Variants in MDH1B observed in about 807,000 individuals in gnomAD.
The protein encoded by MDH1B is putative malate dehydrogenase 1B.
In MDH1B, 60 loss-of-function variants were observed where a neutral mutation model predicts 61.4. The ratio of observed to expected loss-of-function variants is 0.98; its 90% CI spans 0.79 to 1.21. MDH1B has a LOEUF of 1.21. Among genes scored for constraint, MDH1B ranks in the 50% most tolerant of loss-of-function variants. The probability of loss-of-function intolerance (pLI) is 0.00; values close to 1 mark genes in which losing one functional copy is unlikely to be tolerated. For synonymous variants in MDH1B, 236 were observed against 218.7 expected (o/e 1.08, Z -0.70); for missense variants, 587 against 632.1 (o/e 0.93, Z 0.76).
chr2:206,759,191 G>A (rs1263817893), intron 2 of MDH1B, among the ~76,000 whole-genome samples: 2 of 151,988 alleles, frequency 1.3e-5, no homozygotes, highest in Admixed American at 6.6e-5. Context: ...GTGTCCACGT[G>A]TTCTTATCAT....
chr2:206,755,495 G>C lies in MDH1B; in HGVS notation c.424C>G (p.Pro142Ala). 1 of 1,611,214 alleles carries C rather than the reference G, an allele frequency of 6.2e-7. No individual in the cohort carries two copies. The highest frequency in any genetic ancestry group is 1.3e-5 in the African/African-American group (1 of 74,988). The change falls in exon 5 of 12, where the codon CCT becomes GCT. Residue 142 changes from proline (P) to alanine (A), a missense_variant. Pro to Ala is a conservative substitution (Grantham distance 27). Coordinates refer to ENST00000374412, the MANE Select transcript of MDH1B (RefSeq NM_001039845.3). ...ATGGGAATTAGGTTGTAGCAGGCAG[G>C]AGCAGAGGCACTGATAAAAATGCAA... ...LQVWITSASA[P>A]ACYNLIPILT...
chr2:206,750,115 G>A (rs770334346), intron 6 of MDH1B, among the ~76,000 whole-genome samples: 36 of 151,906 alleles, frequency 2.4e-4, no homozygotes, highest in Non-Finnish European at 4.6e-4. Context: ...TATGGTCTGA[G>A]GAAGAAAAGG....
At chr2:206,752,006 C>G (rs1688477920) in intron 5 of MDH1B, among the ~76,000 whole-genome samples, 1 of 152,172 alleles carries the variant, frequency 6.6e-6, no homozygotes, top group African/African-American at 2.4e-5. Flanking sequence ...CTTGTCTTAA[C>G]TAGAAGGACT....
intron 6 of MDH1B, among the ~76,000 whole-genome samples, chr2:206,749,460 C>G (rs1293248535): frequency 2.0e-5 from 3 of 152,096 alleles, no homozygotes; most frequent in African/African-American, 7.2e-5. Flanking sequence ...ATGGCAAGAA[C>G]CATTATTTTC....
At chr2:206,748,869 T>A in intron 7 of MDH1B, 151 bp downstream of exon 7, 1 of 612,626 alleles carries the variant, frequency 1.6e-6, no homozygotes, top group Non-Finnish European at 2.8e-6. Context: ...TCTGAATGAG[T>A]AATTGAATGA....
At chr2:206,756,404 A>G (rs558690484) in intron 4 of MDH1B, among the ~76,000 whole-genome samples, 54 of 152,262 alleles carry the variant, frequency 3.5e-4, no homozygotes, top group African/African-American at 1.3e-3. Context: ...AGCAAGAGAG[A>G]CAGAGAGACA....
chr2:206,763,570 T>C (rs1339420668), intron 1 of MDH1B, among the ~76,000 whole-genome samples: 1 of 152,170 alleles, frequency 6.6e-6, no homozygotes, highest in African/African-American at 2.4e-5. Flanking sequence ...CCTCCCCTTC[T>C]AAAAACCTTT....
intron 7 of MDH1B, among the ~76,000 whole-genome samples, chr2:206,747,060 T>C (rs892906701): frequency 2.0e-5 from 3 of 152,116 alleles, no homozygotes; most frequent in Non-Finnish European, 4.4e-5. Context: ...TATTACTAAC[T>C]GAGCACCATT....
chr2:206,738,858 A>G (rs1687644073), intron 11 of MDH1B, among the ~76,000 whole-genome samples: 1 of 152,148 alleles, frequency 6.6e-6, no homozygotes, highest in Non-Finnish European at 1.5e-5. Context: ...CCCCCTGATT[A>G]GCCCCATTCC....
At chr2:206,763,342 G>A (rs1253699290) in intron 1 of MDH1B, among the ~76,000 whole-genome samples, 1 of 150,398 alleles carries the variant, frequency 6.6e-6, no homozygotes, top group Non-Finnish European at 1.5e-5. Context: ...CCCTCCTCCA[G>A]TCAATTAGAC....
At position 206,755,323 on chromosome 2, in the gene MDH1B, G is replaced by A. The variant is rs375320635; in HGVS notation, c.596C>T (p.Thr199Met). Residue 199 changes from threonine to methionine, a missense_variant, in exon 5 of 12, where the codon ACG becomes ATG. Transcript: ENST00000374412. Reference sequence around the variant, plus strand: ...CTGGCGGAAGGCCTCCTCCACCTTCGTGCAGATGGAGACACTGCGCAGGAC... The same window carrying A: ...CTGGCGGAAGGCCTCCTCCACCTTCATGCAGATGGAGACACTGCGCAGGAC... ...SPVLRSVSICTKVEEAFRQAH... is the reference protein window; with the variant it reads ...SPVLRSVSICMKVEEAFRQAH... 3.1e-6 allele frequency: 5 copies of A among 1,614,146 alleles called. No homozygotes were observed. Among genetic ancestry groups the A allele is most frequent in the African/African-American group, 2.7e-5 (2 of 75,042 alleles).
intron 8 of MDH1B, 141 bp from the exon 9 acceptor site, chr2:206,745,814 A>G (rs1473635903): frequency 1.7e-6 from 1 of 598,924 alleles, no homozygotes; most frequent in Non-Finnish European, 2.9e-6. Flanking sequence ...GCTCACCACA[A>G]CCTCTCCCTT....
chr2:206,740,874 T>G (rs1002574182), intron 10 of MDH1B, among the ~76,000 whole-genome samples, 180 bp downstream of exon 10: 2 of 152,234 alleles, frequency 1.3e-5, no homozygotes, highest in African/African-American at 4.8e-5. Context: ...GTTTTAGTGC[T>G]TTTTAAAAAA....
rs905825678 is a variant in MDH1B, at chr2:206,765,300, G to C, written c.-29C>G. The C allele has an allele frequency of 1.3e-6, 2 of 1,578,360 alleles. No homozygotes were observed. The highest frequency in any genetic ancestry group is 2.8e-5 in the African/African-American group (2 of 72,716). On this transcript the variant is annotated 5_prime_UTR_variant, in exon 1 of 12. Coordinates refer to ENST00000374412, the MANE Select transcript of MDH1B (RefSeq NM_001039845.3). ...CGAGAGAGACTCAGAGGCAGGGACC[G>C]CGGCTTCGCGGTTTCCTGGCAACCA... is the stretch of plus-strand genomic sequence containing the variant.
intron 2 of MDH1B, 56 bp from the exon 3 acceptor site, chr2:206,757,427 T>G (rs771327478): frequency 2.6e-6 from 4 of 1,562,666 alleles, no homozygotes; most frequent in Non-Finnish European, 3.5e-6. Flanking sequence ...AGAATTCAAT[T>G]TCATACTTTA....
At chr2:206,747,913 G>C (rs542571443) in intron 7 of MDH1B, among the ~76,000 whole-genome samples, 1 of 148,228 alleles carries the variant, frequency 6.7e-6, no homozygotes, top group South Asian at 2.1e-4. Context: ...GTGATGACAT[G>C]ACATCCAGGT....
intron 5 of MDH1B, among the ~76,000 whole-genome samples, chr2:206,752,297 C>T (rs547732732): frequency 6.6e-6 from 1 of 152,272 alleles, no homozygotes; most frequent in South Asian, 2.1e-4. Flanking sequence ...TATCACTCAA[C>T]CACTCCTAGT....
In MDH1B at chr2:206,738,485, A is replaced by C. The variant is rs372236684; in HGVS notation, c.1555T>G (p.Ter519GluextTer15). 6.3e-7 allele frequency: 1 copy of C among 1,582,076 alleles called. No homozygotes were observed. The highest frequency in any genetic ancestry group is 8.6e-7 in the Non-Finnish European group (1 of 1,158,824). The change falls in exon 12 of 12, where the codon TAA (stop) becomes GAA (glutamate). Residue 519 changes from the stop codon to glutamate, a stop_lost. Coordinates refer to ENST00000374412, the MANE Select transcript of MDH1B (RefSeq NM_001039845.3). ...TATATTTCATCCAATTTGATCTGTT[A>C]GGATTCCACGGTTTTGCCTTCAAAT... ...NEFEGKTVES[*>E]
chr2:206,747,165 AAACAAC>A (rs541464892), intron 7 of MDH1B, among the ~76,000 whole-genome samples: 1 of 148,934 alleles, frequency 6.7e-6, no homozygotes, highest in Non-Finnish European at 1.5e-5. Flanking sequence ...GCAAAAAAAC[AAACAAC>A]AACAACAACA....
Sources: gnomAD v4.1 joint callset for allele counts (sites outside exome capture counted in the v4.1 genomes callset) on GRCh38, gnomAD v4.1.1 for gene constraint, MANE v1.5 for transcripts, NCBI Gene and HGNC (gene_info 2026-07-23, HGNC 2026-07-21) for gene names.